Variants in SULF1 observed in about 807,000 individuals in gnomAD.
The protein encoded by SULF1 is extracellular sulfatase Sulf-1.
SULF1 carries 46 observed loss-of-function variants against 110.5 expected under a neutral mutation model. The observed-to-expected ratio is 0.42, with a 90% CI of 0.33 to 0.53. The LOEUF (loss-of-function observed/expected upper bound fraction) is 0.53. Among genes scored for constraint, SULF1 ranks in the 20% least tolerant of loss-of-function variants. SULF1 has a pLI of 0.12. For missense variants in SULF1, 941 were observed against 1,094.2 expected, an observed-to-expected ratio of 0.86 and a Z score of 1.98; for synonymous variants, 371 against 387.1, an observed-to-expected ratio of 0.96 and a Z score of 0.49.
intron 19 of SULF1, among the ~76,000 whole-genome samples, chr8:69,633,617 A>G (rs4562335): frequency 0.016 from 2,442 of 151,954 alleles, 60 homozygotes; most frequent in African/African-American, 0.055. Context: ...GATTACAGAT[A>G]TGAGCCACTG....
intron 13 of SULF1, among the ~76,000 whole-genome samples, chr8:69,613,268 T>C (rs1792694393): frequency 6.6e-6 from 1 of 151,964 alleles, no homozygotes; most frequent in Non-Finnish European, 1.5e-5. Flanking sequence ...TGTAGTATAA[T>C]TAGAAGTCAG....
chr8:69,624,689 G>GA (rs1425993540), intron 15 of SULF1, among the ~76,000 whole-genome samples: 1 of 152,190 alleles, frequency 6.6e-6, no homozygotes, highest in African/African-American at 2.4e-5. Flanking sequence ...GACGCTTCCA[G>GA]AGAGATGATG....
At chr8:69,632,345 C>T (rs541285472) in intron 19 of SULF1, among the ~76,000 whole-genome samples, 70 of 152,206 alleles carry the variant, frequency 4.6e-4, no homozygotes, top group African/African-American at 1.7e-3. Context: ...TATCAGGATC[C>T]TGTACACATA....
Position 69,638,530 on chromosome 8 carries a change from T to C in SULF1, c.2313T>C (p.Ser771=). ...GATCTTTCTGTGCTTGCACGAGTTC[T>C]AACAATAACACCTACTGGTGTTTGC... The part of the protein sequence containing the change: ...NLGSFCACTS[S]NNNTYWCLRT... The change falls in exon 20 of 23, where the codon TCT becomes TCC. Residue 771 remains serine, a synonymous_variant. Transcript: ENST00000402687. 1 of 1,613,056 alleles carries C rather than the reference T, an allele frequency of 6.2e-7. No homozygotes were observed. The highest frequency in any genetic ancestry group is 1.3e-5 in the African/African-American group (1 of 74,966).
intron 3 of SULF1, among the ~76,000 whole-genome samples, chr8:69,513,634 G>A (rs1477585560): frequency 6.6e-6 from 1 of 152,172 alleles, no homozygotes; most frequent in Non-Finnish European, 1.5e-5. Context: ...TTTGTGATCA[G>A]GTGCCTGAAA....
At chr8:69,471,390 G>T in intron 1 of SULF1, among the ~76,000 whole-genome samples, 1 of 139,476 alleles carries the variant, frequency 7.2e-6, no homozygotes, top group Non-Finnish European at 1.6e-5. Flanking sequence ...CCCCACCCAG[G>T]ACAGGAAACG....
rs1812856649 is a variant in SULF1, at chr8:69,658,049, C to A, written c.2586-456C>A. On this transcript the variant is annotated intron_variant, in intron 22 of 22. Transcript: ENST00000402687. Reference sequence around the variant, plus strand: ...TATAAAATAAAAATATCATACTAAGCATTGCCTATTACATTCAAATACTTT... The same window carrying A: ...TATAAAATAAAAATATCATACTAAGAATTGCCTATTACATTCAAATACTTT... 3.3e-5 allele frequency among the ~76,000 whole-genome samples: 5 copies of A among 152,332 alleles called. No individual in the cohort carries two copies. In the South Asian group the frequency reaches 8.3e-4, roughly 25 times the overall value.
chr8:69,578,708 T>A (rs1458461036), intron 6 of SULF1, among the ~76,000 whole-genome samples: 1 of 152,056 alleles, frequency 6.6e-6, no homozygotes, highest in Non-Finnish European at 1.5e-5. Flanking sequence ...GTCGATGTCT[T>A]CTCCAGGGAG....
chr8:69,627,443 TTGTC>T (rs1277399366), intron 16 of SULF1, 137 bp downstream of exon 16: 2 of 660,656 alleles, frequency 3.0e-6, no homozygotes, highest in East Asian at 2.7e-5. Flanking sequence ...AAAAAGTTAT[TTGTC>T]TTTCTCCAGT....
chr8:69,591,326 G>A (rs569211091), intron 8 of SULF1, among the ~76,000 whole-genome samples: 32 of 152,070 alleles, frequency 2.1e-4, no homozygotes, highest in Non-Finnish European at 4.3e-4. Context: ...AGGCCGAGGC[G>A]GGCGGATCAC....
At chr8:69,527,460 G>T (rs1812778213) in intron 3 of SULF1, among the ~76,000 whole-genome samples, 2 of 152,024 alleles carry the variant, frequency 1.3e-5, no homozygotes, top group South Asian at 2.1e-4. Flanking sequence ...AAGCACAAAG[G>T]GCTCTGCAGA....
intron 3 of SULF1, among the ~76,000 whole-genome samples, chr8:69,524,287 G>T (rs757490295): frequency 8.5e-5 from 13 of 152,054 alleles, no homozygotes; most frequent in Non-Finnish European, 1.6e-4. Context: ...AAGTTATAAA[G>T]TAAAGAGGTT....
At chr8:69,621,305 A>G in intron 14 of SULF1, 54 bp downstream of exon 14, 1 of 1,368,392 alleles carries the variant, frequency 7.3e-7, no homozygotes, top group East Asian at 2.3e-5. Flanking sequence ...GTGGGAATAA[A>G]CAATAGAGAG....
chr8:69,557,903 A>C (rs1483373873), intron 3 of SULF1, among the ~76,000 whole-genome samples: 1 of 152,160 alleles, frequency 6.6e-6, no homozygotes, highest in Non-Finnish European at 1.5e-5. Flanking sequence ...TGTTTGTTGG[A>C]AGAGGATTTA....
At chr8:69,468,134 A>AGC (rs1808934153) in intron 1 of SULF1, among the ~76,000 whole-genome samples, 2 of 152,210 alleles carry the variant, frequency 1.3e-5, no homozygotes, top group Non-Finnish European at 2.9e-5. Flanking sequence ...CAACATTCAT[A>AGC]TACCTGTGGT....
chr8:69,473,927 A>G (rs1809196319), intron 1 of SULF1, among the ~76,000 whole-genome samples: 1 of 152,208 alleles, frequency 6.6e-6, no homozygotes, highest in Non-Finnish European at 1.5e-5. Flanking sequence ...TCCACTTCAT[A>G]GTACGCAAAT....
At chr8:69,490,008 A>C (rs1413094249), upstream of SULF1, among the ~76,000 whole-genome samples, 1 of 152,126 alleles carries the variant, frequency 6.6e-6, no homozygotes, top group Non-Finnish European at 1.5e-5. Flanking sequence ...CCTTTAGATA[A>C]AGGACATTTG....
intron 6 of SULF1, among the ~76,000 whole-genome samples, chr8:69,577,531 A>G (rs1349782521): frequency 6.6e-6 from 1 of 152,212 alleles, no homozygotes; most frequent in Non-Finnish European, 1.5e-5. Flanking sequence ...AGTAGCAAAC[A>G]TGGAACTGGA....
At chr8:69,525,925 G>A (rs1045117503) in intron 3 of SULF1, among the ~76,000 whole-genome samples, 5 of 152,166 alleles carry the variant, frequency 3.3e-5, no homozygotes, top group African/African-American at 1.2e-4. Flanking sequence ...GAGGGATGAA[G>A]CGTCTTTAGC....
Sources: gnomAD v4.1 joint callset for allele counts (sites outside exome capture counted in the v4.1 genomes callset) on GRCh38, gnomAD v4.1.1 for gene constraint, MANE v1.5 for transcripts, NCBI Gene and HGNC (gene_info 2026-07-23, HGNC 2026-07-21) for gene names.